The following PEX3 variants were observed in gnomAD, a reference collection of about 807,000 sequenced individuals.
The protein encoded by PEX3 is peroxisomal biogenesis factor 3, also known as peroxin-3.
PEX3 carries 30 observed loss-of-function variants against 55.8 expected under a neutral mutation model. The observed-to-expected ratio is 0.54, with a 90% CI of 0.40 to 0.73. PEX3 has a LOEUF of 0.73. Ranked by LOEUF, PEX3 falls within the 30% of genes least tolerant of loss-of-function variation. PEX3 has a pLI of 0.00. For missense variants in PEX3, 351 were observed against 432.8 expected (o/e 0.81, Z 1.68); for synonymous variants, 135 against 148.4 (o/e 0.91, Z 0.66).
chr6:143,461,784 A>G (rs1203452260), intron 2 of PEX3, among the ~76,000 whole-genome samples: 2 of 152,104 alleles, frequency 1.3e-5, no homozygotes, highest in Admixed American at 1.3e-4. Context: ...TCATCTGTAC[A>G]AAAAATTTAA....
chr6:143,476,086 G>A lies in PEX3; in HGVS notation c.818+1230G>A, dbSNP rs761820669. Among the ~76,000 whole-genome samples the A allele has an allele frequency of 3.9e-5, 6 of 152,200 alleles. No homozygotes were observed. The highest frequency in any genetic ancestry group is 8.8e-5 in the Non-Finnish European group (6 of 68,022). On this transcript the variant is annotated intron_variant, in intron 9 of 11. Transcript: ENST00000367591. The surrounding 1 kb of genome is among the most constrained non-coding windows in gnomAD (Gnocchi z 5.4). ...AAGGGGTTAGAGAGTGACCAGGGATGCTGTTTGTAATAGGTTGGTCAGAAA... is the reference window on the plus strand; with the variant it reads ...AAGGGGTTAGAGAGTGACCAGGGATACTGTTTGTAATAGGTTGGTCAGAAA...
chr6:143,487,922 T>A lies in PEX3; in HGVS notation c.1039-1221T>A, dbSNP rs898026160. 1.3e-5 allele frequency among the ~76,000 whole-genome samples: 2 copies of A among 152,002 alleles called. No homozygotes were observed. Among genetic ancestry groups the A allele is most frequent in the African/African-American group, 4.8e-5 (2 of 41,402 alleles). ...CCCTAAAATCAGGAACAATAGTAGG[T>A]TATATATTTTATCTTCTCAATAATC... is the stretch of plus-strand genomic sequence containing the variant. On this transcript the variant is annotated intron_variant, in intron 11 of 11. Coordinates refer to ENST00000367591, the MANE Select transcript of PEX3 (RefSeq NM_003630.3). The surrounding 1 kb of genome is among the most constrained non-coding windows in gnomAD (Gnocchi z 5.3).
chr6:143,476,775 G>A lies in PEX3; in HGVS notation c.818+1919G>A, dbSNP rs1288527483. ...TGCCTATTGGCAATTGAATATGCAA[G>A]TCTGGAATTCAAGTTAGTTTACAAA... On this transcript the variant is annotated intron_variant, in intron 9 of 11. Transcript: ENST00000367591. The surrounding 1 kb of genome is among the most constrained non-coding windows in gnomAD (Gnocchi z 5.4). Among the ~76,000 whole-genome samples, 5 of 152,308 alleles carry A rather than the reference G, an allele frequency of 3.3e-5. No homozygotes were observed. The East Asian group carries it at 9.7e-4, about 29-fold the overall frequency.
At position 143,459,046 on chromosome 6, in the gene PEX3, G is replaced by A. The variant is rs889085045; in HGVS notation, c.74-39G>A. On this transcript the variant is annotated intron_variant, in intron 1 of 11. Coordinates refer to ENST00000367591, the MANE Select transcript of PEX3 (RefSeq NM_003630.3). This position sits in a 1 kb window ranked among gnomAD's most constrained non-coding sequence, Gnocchi z 4.2. ...GTTAAAAATACTGTGTAGAATTTTT[G>A]GTACTCTAATGAATATAGTACTTTT... The A allele has an allele frequency of 7.3e-7, 1 of 1,369,278 alleles. No individual in the cohort carries two copies. Among genetic ancestry groups the A allele is most frequent in the African/African-American group, 1.4e-5 (1 of 69,620 alleles). The allele number at this position is 1,369,278 out of a possible 1,614,324, so 84.8% of individuals were successfully genotyped here.
At position 143,479,278 on chromosome 6, in the gene PEX3, C is replaced by A; in HGVS notation, c.941+80C>A. On this transcript the variant is annotated intron_variant, in intron 10 of 11. Transcript: ENST00000367591. This position sits in a 1 kb window ranked among gnomAD's most constrained non-coding sequence, Gnocchi z 4.6. ...TTGCTTGTCTTTTTGTTCCAGATAA[C>A]AACAACAAACCTATTAAATTTGAGT... is the stretch of plus-strand genomic sequence containing the variant. 9.0e-7 allele frequency: 1 copy of A among 1,105,368 alleles called. No individual in the cohort carries two copies. The highest frequency in any genetic ancestry group is 1.4e-6 in the Non-Finnish European group (1 of 723,706). The allele number at this position is 1,105,368 out of a possible 1,614,324, so 68.5% of individuals were successfully genotyped here. A position where few individuals can be genotyped will look rare whatever the true frequency, so the allele number is the denominator to read the frequency against.
At chr6:143,472,106 T>C (rs1780082998) in intron 7 of PEX3, 54 bp from the exon 8 acceptor site, 11 of 1,167,072 alleles carry the variant, frequency 9.4e-6, no homozygotes, top group Non-Finnish European at 5.1e-6. Context: ...AGAGTGTATA[T>C]AGGATGTGTT....
chr6:143,481,378 C>A (rs898339651), intron 10 of PEX3, among the ~76,000 whole-genome samples: 8 of 151,572 alleles, frequency 5.3e-5, no homozygotes, highest in African/African-American at 1.7e-4. Context: ...TAAAATAATC[C>A]TAGGAAATAC....
At chr6:143,470,843 A>T (rs1285170346) in intron 4 of PEX3, 118 bp from the exon 5 acceptor site, 25 of 770,572 alleles carry the variant, frequency 3.2e-5, no homozygotes, top group Non-Finnish European at 4.1e-5. Context: ...TTTATACTAG[A>T]AACAGTTGTA....
rs544236399 is a variant in PEX3 at position 143,451,746 on chromosome 6, G to T, written c.73+631G>T. Among the ~76,000 whole-genome samples, 1 of 152,300 alleles carries T rather than the reference G, an allele frequency of 6.6e-6. No individual in the cohort carries two copies. The highest frequency in any genetic ancestry group is 2.1e-4 in the South Asian group (1 of 4,826). On this transcript the variant is annotated intron_variant, in intron 1 of 11. Coordinates refer to ENST00000367591, the MANE Select transcript of PEX3 (RefSeq NM_003630.3). This position sits in a 1 kb window ranked among gnomAD's most constrained non-coding sequence, Gnocchi z 4.1. ...TCTTCCTCAGGATCTTCAAGGTTGG[G>T]ATCATTGTAATCTAGCTGACATAAC...
rs1446766411 is a variant in PEX3 at position 143,489,094 on chromosome 6, T to C, written c.1039-49T>C. The stretch of plus-strand genomic sequence containing the variant: ...GCTTGATTGCAGAAATTAATTCAAA[T>C]TAGCTATATGTTTTGCAAACTATAA... On this transcript the variant is annotated intron_variant, in intron 11 of 11. Coordinates refer to ENST00000367591, the MANE Select transcript of PEX3 (RefSeq NM_003630.3). This position sits in a 1 kb window ranked among gnomAD's most constrained non-coding sequence, Gnocchi z 5.5. 1 of 1,199,646 alleles carries C rather than the reference T, an allele frequency of 8.3e-7. No homozygotes were observed. The highest frequency in any genetic ancestry group is 1.2e-6 in the Non-Finnish European group (1 of 803,050). The allele number at this position is 1,199,646 out of a possible 1,614,324, so 74.3% of individuals were successfully genotyped here.
chr6:143,472,368 ATTC>A, intron 8 of PEX3, 40 bp downstream of exon 8: 1 of 1,447,194 alleles, frequency 6.9e-7, no homozygotes, highest in Non-Finnish European at 9.7e-7. Context: ...CAGTTACTCT[ATTC>A]TTTTAAAATT....
rs181155197 is a variant in PEX3 at position 143,463,833 on chromosome 6, G to A, written c.287+836G>A. On this transcript the variant is annotated intron_variant, in intron 3 of 11. Coordinates refer to ENST00000367591, the MANE Select transcript of PEX3 (RefSeq NM_003630.3). The surrounding 1 kb of genome is among the most constrained non-coding windows in gnomAD (Gnocchi z 5.7). ...CCCACTTAATTTACACAATATCCCTGTGAGGCGGTTACTATTATTCATTTT... is the reference window on the plus strand; with the variant it reads ...CCCACTTAATTTACACAATATCCCTATGAGGCGGTTACTATTATTCATTTT... Among the ~76,000 whole-genome samples, 1 of 152,130 alleles carries A rather than the reference G, an allele frequency of 6.6e-6. No individual in the cohort carries two copies. The highest frequency in any genetic ancestry group is 1.5e-5 in the Non-Finnish European group (1 of 67,998).
At chr6:143,474,224 CGGATCACGA>C (rs1780117837) in intron 8 of PEX3, among the ~76,000 whole-genome samples, 1 of 151,738 alleles carries the variant, frequency 6.6e-6, no homozygotes, top group South Asian at 2.1e-4. Context: ...CCGAGGCAGG[CGGATCACGA>C]GGTCAGGAGT....
rs2128745578 is a variant in PEX3, at chr6:143,459,769, G to C, written c.205+553G>C. ...GAACAATGGCAGTGATAGGAAACAAGGCTGCAGAAGTAGGCTTGATCCCAT... is the reference window on the plus strand; with the variant it reads ...GAACAATGGCAGTGATAGGAAACAACGCTGCAGAAGTAGGCTTGATCCCAT... On this transcript the variant is annotated intron_variant, in intron 2 of 11. Coordinates refer to ENST00000367591, the MANE Select transcript of PEX3 (RefSeq NM_003630.3). The surrounding 1 kb of genome is among the most constrained non-coding windows in gnomAD (Gnocchi z 4.2). Among the ~76,000 whole-genome samples the C allele has an allele frequency of 6.6e-6, 1 of 152,328 alleles. No homozygotes were observed. Among genetic ancestry groups the C allele is most frequent in the South Asian group, 2.1e-4 (1 of 4,832 alleles).
rs1482517498 is a variant in PEX3 at position 143,487,778 on chromosome 6, T to C, written c.1039-1365T>C. 6.6e-6 allele frequency among the ~76,000 whole-genome samples: 1 copy of C among 152,056 alleles called. No homozygotes were observed. On this transcript the variant is annotated intron_variant, in intron 11 of 11. Transcript: ENST00000367591. This position sits in a 1 kb window ranked among gnomAD's most constrained non-coding sequence, Gnocchi z 5.3. The stretch of plus-strand genomic sequence containing the variant: ...TTCTGAAAGCTTCATTTGTATCATG[T>C]GTTTTACATGATTTGGTCTTCATTT...
Position 143,458,121 on chromosome 6 carries a change from A to G in PEX3, c.74-964A>G, listed in dbSNP as rs1460030004. On this transcript the variant is annotated intron_variant, in intron 1 of 11. Transcript: ENST00000367591. This position sits in a 1 kb window ranked among gnomAD's most constrained non-coding sequence, Gnocchi z 6.1. Reference sequence around the variant, plus strand: ...GTGATAAAAGCTAGTTGAAGAGCTTAAGCTTTGGAATGTGGCTTTTGATCA... The same window carrying G: ...GTGATAAAAGCTAGTTGAAGAGCTTGAGCTTTGGAATGTGGCTTTTGATCA... 6.6e-6 allele frequency among the ~76,000 whole-genome samples: 1 copy of G among 152,230 alleles called. No individual in the cohort carries two copies. Among genetic ancestry groups the G allele is most frequent in the Non-Finnish European group, 1.5e-5 (1 of 68,024 alleles).
chr6:143,455,598 A>C (rs1779835325), intron 1 of PEX3, among the ~76,000 whole-genome samples: 1 of 152,088 alleles, frequency 6.6e-6, no homozygotes, highest in South Asian at 2.1e-4. Flanking sequence ...GGAACAGGGA[A>C]ACCACATTAA....
chr6:143,475,211 T>C lies in PEX3; in HGVS notation c.818+355T>C, dbSNP rs185990896. Among the ~76,000 whole-genome samples, 4 of 152,326 alleles carry C rather than the reference T, an allele frequency of 2.6e-5. No homozygotes were observed. ...GCCATATCCAATGAACCTGTAATGT[T>C]CATCTTACTTGACCTTTCTCTGATA... On this transcript the variant is annotated intron_variant, in intron 9 of 11. Transcript: ENST00000367591. The surrounding 1 kb of genome is among the most constrained non-coding windows in gnomAD (Gnocchi z 4.4).
rs905159315 is a variant in PEX3 at position 143,487,861 on chromosome 6, A to G, written c.1039-1282A>G. Among the ~76,000 whole-genome samples, 1 of 152,100 alleles carries G rather than the reference A, an allele frequency of 6.6e-6. No individual in the cohort carries two copies. The highest frequency in any genetic ancestry group is 1.5e-5 in the Non-Finnish European group (1 of 67,996). On this transcript the variant is annotated intron_variant, in intron 11 of 11. Transcript: ENST00000367591. This position sits in a 1 kb window ranked among gnomAD's most constrained non-coding sequence, Gnocchi z 5.3. Reference sequence around the variant, plus strand: ...AGCACAAGACAGTTAAAGTAATGTTACTTAAAGCCAATAAGAACATAAATA... The same window carrying G: ...AGCACAAGACAGTTAAAGTAATGTTGCTTAAAGCCAATAAGAACATAAATA...
Sources: allele counts gnomAD v4.1 joint callset (sites outside exome capture counted in the v4.1 genomes callset), GRCh38; gene constraint gnomAD v4.1.1; non-coding constraint Gnocchi (gnomAD v3.1); transcripts MANE v1.5; gene names NCBI Gene and HGNC (gene_info 2026-07-23, HGNC 2026-07-21).